The following SMC1A variants were observed in gnomAD, a reference collection of about 807,000 sequenced individuals.
SMC1A encodes structural maintenance of chromosomes protein 1A.
Under a neutral mutation model 94.5 loss-of-function variants are expected in SMC1A, and 4 were observed. The ratio of observed to expected loss-of-function variants is 0.04; its 90% confidence interval spans 0.02 to 0.10. SMC1A has a LOEUF of 0.10. SMC1A is among the 10% of genes least tolerant of loss of function. The pLI is 1.00. For missense variants in SMC1A, 304 were observed against 989.0 expected (o/e 0.31, Z 9.29); for synonymous variants, 345 against 347.7 (o/e 0.99, Z 0.09).
At chrX:53,392,113 G>A (rs1403407694) in intron 19 of SMC1A, among the ~76,000 whole-genome samples, 3 of 111,114 alleles carry the variant, frequency 2.7e-5, no homozygotes, top group East Asian at 5.7e-4. Flanking sequence ...TTCCACGGCC[G>A]GGCACAGTGG....
intron 22 of SMC1A, among the ~76,000 whole-genome samples, chrX:53,381,309 CAAG>C (rs1360578911): frequency 1.8e-5 from 2 of 112,121 alleles, no homozygotes; most frequent in South Asian, 3.7e-4. Context: ...TACAGAACCA[CAAG>C]AAGACATGGT....
At chrX:53,388,693 T>C (rs1556886727) in intron 19 of SMC1A, among the ~76,000 whole-genome samples, 1 of 110,002 alleles carries the variant, frequency 9.1e-6, no homozygotes, top group Non-Finnish European at 1.9e-5. Context: ...TTTTAAAATG[T>C]GGCTACTAGA....
At chrX:53,397,757 A>G (rs1556888252) in intron 16 of SMC1A, among the ~76,000 whole-genome samples, 2 of 111,668 alleles carry the variant, frequency 1.8e-5, no homozygotes, top group Non-Finnish European at 3.8e-5. Context: ...TATTCCTTGC[A>G]ATTTTTTGCA....
At chrX:53,401,703 T>C (rs1196191583) in intron 15 of SMC1A, among the ~76,000 whole-genome samples, 1 of 110,691 alleles carries the variant, frequency 9.0e-6, no homozygotes, top group Non-Finnish European at 1.9e-5. Flanking sequence ...TATATACCCA[T>C]AGGTTTTATA....
chrX:53,421,992 G>A lies in SMC1A; in HGVS notation c.109+500C>T, dbSNP rs368856464. 76 of 1,208,086 alleles carry A rather than the reference G, an allele frequency of 6.3e-5. No homozygotes were observed. The Middle Eastern group carries it at 1.6e-3, about 25-fold the overall frequency. On this transcript the variant is annotated intron_variant, in intron 1 of 24. Transcript: ENST00000322213. ...TCAAAAGTGCCGCCTCCAGAGAAGA[G>A]TAGAAAGGAGTTGGAGTGTACCAAT...
rs2075551562 is a variant in SMC1A, at chrX:53,374,206, A to G, written c.*5897T>C. The G allele has an allele frequency of 8.9e-6, 1 of 112,201 alleles. No individual in the cohort carries two copies. The highest frequency in any genetic ancestry group is 1.9e-5 in the Non-Finnish European group (1 of 53,245). The allele number at this position is 112,201 out of a possible 1,213,427, so 9.2% of individuals were successfully genotyped here. A position where few individuals can be genotyped will look rare whatever the true frequency, so the allele number is the denominator to read the frequency against. ...GGAAATAAGGAAGACAAGAACAGCT[A>G]CACAGGCAGCCTCATGGAAGAACAG... On this transcript the variant is annotated 3_prime_UTR_variant, in exon 25 of 25. Coordinates refer to ENST00000322213, the MANE Select transcript of SMC1A (RefSeq NM_006306.4).
intron 9 of SMC1A, among the ~76,000 whole-genome samples, chrX:53,408,200 G>A (rs896454288): frequency 1.8e-5 from 2 of 111,279 alleles, no homozygotes; most frequent in Admixed American, 1.9e-4. Flanking sequence ...GCATGGCGGC[G>A]AGCACCTGTA....
At chrX:53,417,275 G>A (rs1556891418) in intron 1 of SMC1A, among the ~76,000 whole-genome samples, 1 of 110,665 alleles carries the variant, frequency 9.0e-6, no homozygotes, top group African/African-American at 3.3e-5. Flanking sequence ...GGTGAGCCGG[G>A]CACGGTGGCT....
rs1304564339 is a variant in SMC1A at position 53,402,588 on chromosome X, A to AGGC, written c.2420+975_2420+977dup. On this transcript the variant is annotated intron_variant, in intron 15 of 24. Coordinates refer to ENST00000322213, the MANE Select transcript of SMC1A (RefSeq NM_006306.4). Reference sequence around the variant, plus strand: ...AAAAAGCCAGGCGGGGGTTGGGGCCAGGCGTGGTGGCTCATCCTGTAATCC... The same window carrying AGGC: ...AAAAAGCCAGGCGGGGGTTGGGGCCAGGCGGCGTGGTGGCTCATCCTGTAATCC... Among the ~76,000 whole-genome samples the AGGC allele has an allele frequency of 3.8e-5, 4 of 105,048 alleles. No homozygotes were observed. The Admixed American group carries it at 4.2e-4, about 11-fold the overall frequency. The allele number at this position is 105,048 out of a possible 115,157, so 91.2% of individuals were successfully genotyped here. A position where few individuals can be genotyped will look rare whatever the true frequency, so the allele number is the denominator to read the frequency against.
In SMC1A at chrX:53,374,849, C is replaced by T. The variant is rs782000680; in HGVS notation, c.*5254G>A. The T allele has an allele frequency of 8.8e-6, 1 of 113,033 alleles. No homozygotes were observed. Among genetic ancestry groups the T allele is most frequent in the Non-Finnish European group, 1.9e-5 (1 of 53,345 alleles). 9.3% of individuals were successfully genotyped at this position (113,033 alleles called of 1,213,427 possible). On this transcript the variant is annotated 3_prime_UTR_variant, in exon 25 of 25. Transcript: ENST00000322213. Reference sequence around the variant, plus strand: ...TTAGTTTCTGGCCACCCCTCATCCACCACCACTAATGCCTCATTAAATTCT... The same window carrying T: ...TTAGTTTCTGGCCACCCCTCATCCATCACCACTAATGCCTCATTAAATTCT...
chrX:53,413,587 T>C, intron 3 of SMC1A, 152 bp from the exon 4 acceptor site: 3 of 541,245 alleles, frequency 5.5e-6, no homozygotes, highest in Non-Finnish European at 9.5e-6. Flanking sequence ...ACAAATTCCT[T>C]GCCCTCTGAG....
intron 13 of SMC1A, among the ~76,000 whole-genome samples, 192 bp from the exon 14 acceptor site, chrX:53,404,085 A>C: frequency 9.0e-6 from 1 of 111,566 alleles, no homozygotes; most frequent in Middle Eastern, 4.6e-3. Context: ...CCTGGCATCC[A>C]GTTCAGCCAG....
At chrX:53,420,822 G>C (rs2075751691) in intron 1 of SMC1A, among the ~76,000 whole-genome samples, 1 of 111,771 alleles carries the variant, frequency 8.9e-6, no homozygotes, top group Non-Finnish European at 1.9e-5. Context: ...ATTATGGACT[G>C]AACACCAGTA....
rs1556885536 is a variant in SMC1A at position 53,378,762 on chromosome X, G to A, written c.*1341C>T. 1 of 112,565 alleles carries A rather than the reference G, an allele frequency of 8.9e-6. No individual in the cohort carries two copies. Among genetic ancestry groups the A allele is most frequent in the African/African-American group, 3.2e-5 (1 of 30,977 alleles). The allele number at this position is 112,565 out of a possible 1,213,427, so 9.3% of individuals were successfully genotyped here. On this transcript the variant is annotated 3_prime_UTR_variant, in exon 25 of 25. Coordinates refer to ENST00000322213, the MANE Select transcript of SMC1A (RefSeq NM_006306.4). Reference sequence around the variant, plus strand: ...AGTAAAGGCTGAGCTCATCGCACCCGGCTTTGCTGCCTCTGCATGATCCTT... The same window carrying A: ...AGTAAAGGCTGAGCTCATCGCACCCAGCTTTGCTGCCTCTGCATGATCCTT...
intron 19 of SMC1A, among the ~76,000 whole-genome samples, chrX:53,390,142 C>A (rs1341942724): frequency 3.8e-5 from 4 of 105,216 alleles, no homozygotes; most frequent in Non-Finnish European, 7.8e-5. Flanking sequence ...CCGCACCCGG[C>A]CCAGAATTTG....
In SMC1A at chrX:53,374,296, G is replaced by C. The variant is rs1556884971; in HGVS notation, c.*5807C>G. 1.8e-5 allele frequency: 2 copies of C among 111,840 alleles called. No individual in the cohort carries two copies. Among genetic ancestry groups the C allele is most frequent in the Non-Finnish European group, 3.8e-5 (2 of 53,148 alleles). The allele number at this position is 111,840 out of a possible 1,213,427, so 9.2% of individuals were successfully genotyped here. ...CCTGGCTTATCTTGTCACCCCCTCA[G>C]CTGCAGGCATCTGTTGCTCCCTTCT... On this transcript the variant is annotated 3_prime_UTR_variant, in exon 25 of 25. Coordinates refer to ENST00000322213, the MANE Select transcript of SMC1A (RefSeq NM_006306.4).
intron 19 of SMC1A, among the ~76,000 whole-genome samples, chrX:53,392,557 T>C (rs1461449480): frequency 3.6e-5 from 4 of 110,638 alleles, no homozygotes; most frequent in African/African-American, 1.3e-4. Context: ...TTCAGGCGAT[T>C]CTGCCTCAGC....
At chrX:53,380,276 C>A in intron 24 of SMC1A, 90 bp from the exon 25 acceptor site, 2 of 647,874 alleles carry the variant, frequency 3.1e-6, no homozygotes, top group Non-Finnish European at 5.0e-6. Context: ...CTCAAACCCT[C>A]CTCCCTACAT....
In SMC1A at chrX:53,391,103, C is replaced by T. The variant is rs782268796; in HGVS notation, c.2973+3675G>A. On this transcript the variant is annotated intron_variant, in intron 19 of 24. Transcript: ENST00000322213. The stretch of plus-strand genomic sequence containing the variant: ...CCAAGGCAGGGGGATCACATGAGGT[C>T]AGGAGTTCAAGACCAGCCTGGCCAA... 5.9e-3 allele frequency among the ~76,000 whole-genome samples: 635 copies of T among 107,081 alleles called. 4 individuals are homozygous for T. The highest frequency in any genetic ancestry group is 0.021 in the African/African-American group (607 of 29,354). 93.0% of individuals were successfully genotyped at this position (107,081 alleles called of 115,157 possible).
Sources: gnomAD v4.1 joint callset for allele counts (sites outside exome capture counted in the v4.1 genomes callset) on GRCh38, gnomAD v4.1.1 for gene constraint, MANE v1.5 for transcripts, NCBI Gene and HGNC (gene_info 2026-07-23, HGNC 2026-07-21) for gene names.